GRM1: variants seen among roughly 807,000 people sequenced by gnomAD.
The protein encoded by GRM1 is glutamate metabotropic receptor 1.
A neutral mutation model predicts 90.9 loss-of-function variants in GRM1; 33 were observed. The observed-to-expected ratio is 0.36, with a 90% CI of 0.28 to 0.49. The LOEUF is 0.49. Among genes scored for constraint, GRM1 ranks in the 20% least tolerant of loss-of-function variants. GRM1 has a pLI of 0.99. For missense variants in GRM1, 1,190 were observed against 1,534.3 expected (o/e 0.78, Z 3.75); for synonymous variants, 700 against 613.2 (o/e 1.14, Z -2.09).
intron 2 of GRM1, among the ~76,000 whole-genome samples, chr6:146,302,700 G>A (rs983434222): frequency 6.6e-6 from 1 of 152,030 alleles, no homozygotes; most frequent in African/African-American, 2.4e-5. Context: ...CATAGAGTTT[G>A]TAATTCTTTT....
intron 5 of GRM1, among the ~76,000 whole-genome samples, chr6:146,360,021 T>C (rs362902): frequency 0.015 from 2,303 of 152,010 alleles, 20 homozygotes; most frequent in Non-Finnish European, 0.022. Flanking sequence ...AATAATATTA[T>C]GCACATTCTA....
intron 2 of GRM1, among the ~76,000 whole-genome samples, chr6:146,196,151 A>AT (rs1265913346): frequency 6.6e-6 from 1 of 152,178 alleles, no homozygotes; most frequent in Non-Finnish European, 1.5e-5. Flanking sequence ...GAGGAACGTG[A>AT]TTTTTAAGTG....
At chr6:146,028,553 T>C (rs1582896298), upstream of GRM1, among the ~76,000 whole-genome samples, 1 of 151,944 alleles carries the variant, frequency 6.6e-6, no homozygotes, top group Non-Finnish European at 1.5e-5. Flanking sequence ...AGTTACCTTA[T>C]CTGCACCCCT....
At chr6:146,315,585 C>T (rs921581674) in intron 3 of GRM1, among the ~76,000 whole-genome samples, 9 of 152,128 alleles carry the variant, frequency 5.9e-5, no homozygotes, top group Admixed American at 2.6e-4. Flanking sequence ...TTAAGACCAT[C>T]GGGAAAGCTT....
intron 7 of GRM1, among the ~76,000 whole-genome samples, chr6:146,404,566 T>C (rs6939678): frequency 0.041 from 6,273 of 152,256 alleles, 424 homozygotes; most frequent in African/African-American, 0.14. Context: ...AGCATGTTTT[T>C]CAACTGGAGA....
At chr6:146,217,130 T>C (rs1168360212) in intron 2 of GRM1, among the ~76,000 whole-genome samples, 3 of 152,314 alleles carry the variant, frequency 2.0e-5, no homozygotes, top group African/African-American at 7.2e-5. Context: ...TACCTAGTTA[T>C]ATTGATTCTT....
intron 3 of GRM1, among the ~76,000 whole-genome samples, chr6:146,337,964 A>T (rs1024614895): frequency 2.0e-5 from 3 of 152,210 alleles, no homozygotes; most frequent in Admixed American, 2.0e-4. Context: ...GTGCTCAGAT[A>T]TGCAGCTGAT....
chr6:146,389,971 G>C (rs1776657584), intron 6 of GRM1, among the ~76,000 whole-genome samples: 1 of 152,014 alleles, frequency 6.6e-6, no homozygotes, highest in Non-Finnish European at 1.5e-5. Flanking sequence ...GGTAGCGGTA[G>C]TTATGAAATG....
chr6:146,294,510 G>A (rs1052535080), intron 2 of GRM1, among the ~76,000 whole-genome samples: 3 of 151,718 alleles, frequency 2.0e-5, no homozygotes, highest in African/African-American at 4.9e-5. Context: ...AAATTTCCAT[G>A]TATGCCATCG....
At position 146,330,476 on chromosome 6, in the gene GRM1, A is replaced by G. The variant is rs906104107; in HGVS notation, c.1187-21774A>G. Among the ~76,000 whole-genome samples the G allele has an allele frequency of 7.2e-5, 11 of 152,132 alleles. 1 individual carries two copies. Among genetic ancestry groups the G allele is most frequent in the African/African-American group, 2.7e-4 (11 of 41,436 alleles). On this transcript the variant is annotated intron_variant, in intron 3 of 7. Coordinates refer to ENST00000282753, the MANE Select transcript of GRM1 (RefSeq NM_001278064.2). The stretch of plus-strand genomic sequence containing the variant: ...TTTTTATATTATAGACTTTTATCCT[A>G]TACATAACAAACTCCTACATGTTAT...
At chr6:146,373,481 G>A (rs1775978802) in intron 5 of GRM1, among the ~76,000 whole-genome samples, 1 of 152,040 alleles carries the variant, frequency 6.6e-6, no homozygotes. Context: ...AGCACTAGGA[G>A]GGATGATGAT....
At chr6:146,184,104 C>T (rs1010314764) in intron 2 of GRM1, among the ~76,000 whole-genome samples, 2 of 152,084 alleles carry the variant, frequency 1.3e-5, no homozygotes, top group African/African-American at 4.8e-5. Context: ...CATATAATAG[C>T]ACTTGCCAGA....
chr6:146,346,499 A>G lies in GRM1; in HGVS notation c.1187-5751A>G, dbSNP rs1162210053. ...GTCAGCAGAGATAACCCTTTAGGGAAAGAGTAAAATATAGTGTCAGAGGAA... is the reference window on the plus strand; with the variant it reads ...GTCAGCAGAGATAACCCTTTAGGGAGAGAGTAAAATATAGTGTCAGAGGAA... On this transcript the variant is annotated intron_variant, in intron 3 of 7. Transcript: ENST00000282753. Among the ~76,000 whole-genome samples the G allele has an allele frequency of 5.9e-5, 9 of 152,332 alleles. No individual in the cohort carries two copies. The East Asian group carries it at 1.7e-3, about 29-fold the overall frequency.
chr6:146,043,164 G>A (rs12205195), intron 1 of GRM1, among the ~76,000 whole-genome samples: 14,336 of 151,932 alleles, frequency 0.094, 809 homozygotes, highest in Non-Finnish European at 0.12. Flanking sequence ...GCATGGTGGC[G>A]TGCACCTGTA....
intron 2 of GRM1, among the ~76,000 whole-genome samples, chr6:146,208,895 A>G (rs1225607937): frequency 3.9e-5 from 6 of 152,130 alleles, no homozygotes; most frequent in Admixed American, 3.9e-4. Flanking sequence ...ACCCAAGATG[A>G]CCTGACTAAA....
At chr6:146,239,943 G>A (rs1023170628) in intron 2 of GRM1, among the ~76,000 whole-genome samples, 1 of 152,106 alleles carries the variant, frequency 6.6e-6, no homozygotes, top group Admixed American at 6.6e-5. Flanking sequence ...GTCATGAGAA[G>A]AGCACAAGCT....
chr6:146,322,499 C>T (rs73577190), intron 3 of GRM1, among the ~76,000 whole-genome samples: 3,288 of 152,282 alleles, frequency 0.022, 108 homozygotes, highest in African/African-American at 0.075. Flanking sequence ...CCCACAAGCT[C>T]CCCTTCCCTG....
At chr6:146,056,589 C>T (rs1170512506) in intron 1 of GRM1, among the ~76,000 whole-genome samples, 1 of 152,042 alleles carries the variant, frequency 6.6e-6, no homozygotes, top group Non-Finnish European at 1.5e-5. Context: ...GTCGAACCTT[C>T]GGCATGTCAC....
intron 5 of GRM1, among the ~76,000 whole-genome samples, chr6:146,371,263 A>G (rs1030317719): frequency 1.3e-5 from 2 of 152,104 alleles, no homozygotes; most frequent in Non-Finnish European, 2.9e-5. Flanking sequence ...GACACAGGCT[A>G]GTGGAGCTAG....
Sources: gnomAD v4.1 joint callset for allele counts (sites outside exome capture counted in the v4.1 genomes callset) on GRCh38, gnomAD v4.1.1 for gene constraint, MANE v1.5 for transcripts, NCBI Gene and HGNC (gene_info 2026-07-23, HGNC 2026-07-21) for gene names.